Variants in DOCK1 observed in about 807,000 individuals in gnomAD.
DOCK1 encodes the protein dedicator of cytokinesis protein 1.
In DOCK1, 138 loss-of-function variants were observed where a neutral mutation model predicts 262.7. That is an observed-to-expected ratio of 0.53 (90% CI 0.46 to 0.61). The LOEUF (loss-of-function observed/expected upper bound fraction) is 0.61. DOCK1 is among the 20% of genes least tolerant of loss of function. The pLI, the probability that DOCK1 is intolerant of heterozygous loss-of-function variation, is 0.00. For missense variants in DOCK1, 1,908 were observed against 2,370.7 expected (o/e 0.80, Z 4.05); for synonymous variants, 866 against 867.4 (o/e 1.00, Z 0.03).
At chr10:127,382,835 A>G (rs2065896749) in intron 37 of DOCK1, among the ~76,000 whole-genome samples, 1 of 152,216 alleles carries the variant, frequency 6.6e-6, no homozygotes, top group South Asian at 2.1e-4. Context: ...CATTTGTTTA[A>G]TCATTGGATT....
intron 29 of DOCK1, among the ~76,000 whole-genome samples, chr10:127,264,652 T>A (rs1466653324): frequency 4.6e-5 from 7 of 152,036 alleles, no homozygotes; most frequent in Non-Finnish European, 8.8e-5. Context: ...AAGCTGGCAG[T>A]TTACAATGTA....
chr10:127,433,467 G>C, intron 48 of DOCK1, 39 bp downstream of exon 48: 1 of 1,596,990 alleles, frequency 6.3e-7, no homozygotes, highest in South Asian at 1.1e-5. Context: ...TGAGCAGTGA[G>C]GGCTTGGGGG....
intron 29 of DOCK1, among the ~76,000 whole-genome samples, chr10:127,308,535 T>C (rs756984788): frequency 1.3e-5 from 2 of 152,112 alleles, no homozygotes; most frequent in Non-Finnish European, 2.9e-5. Context: ...ATCATCTAGG[T>C]TTTAAGCCCC....
At chr10:127,317,408 C>T (rs1399455861) in intron 29 of DOCK1, among the ~76,000 whole-genome samples, 1 of 152,126 alleles carries the variant, frequency 6.6e-6, no homozygotes, top group Non-Finnish European at 1.5e-5. Flanking sequence ...TTTCTGTGTT[C>T]GTTTGTTTGC....
At chr10:127,346,775 C>T (rs1004421622) in intron 31 of DOCK1, among the ~76,000 whole-genome samples, 3 of 152,226 alleles carry the variant, frequency 2.0e-5, no homozygotes, top group Non-Finnish European at 4.4e-5. Flanking sequence ...CTAGGGCTTT[C>T]GTATTCTCTT....
At chr10:127,251,629 G>A (rs1051145932) in intron 28 of DOCK1, among the ~76,000 whole-genome samples, 7 of 147,866 alleles carry the variant, frequency 4.7e-5, no homozygotes, top group African/African-American at 1.7e-4. Context: ...AGAACATGCG[G>A]TGTTTGGTTT....
intron 21 of DOCK1, 104 bp from the exon 22 acceptor site, chr10:127,052,577 T>C (rs9418817): frequency 0.68 from 1,030,430 of 1,523,334 alleles, 351,121 homozygotes; most frequent in South Asian, 0.72. Flanking sequence ...TACTGATAGA[T>C]GGAAACCAAA....
At chr10:126,912,367 T>C (rs1219764700) in intron 1 of DOCK1, among the ~76,000 whole-genome samples, 1 of 149,094 alleles carries the variant, frequency 6.7e-6, no homozygotes, top group African/African-American at 2.5e-5. Context: ...GAGGCGGAGG[T>C]TGCAGTGAGC....
chr10:127,269,642 G>A (rs4581360), intron 29 of DOCK1, among the ~76,000 whole-genome samples: 59,234 of 152,066 alleles, frequency 0.39, 11,768 homozygotes, highest in Admixed American at 0.45. Flanking sequence ...TGGTGGTCCT[G>A]TCTGCCCTGG....
intron 27 of DOCK1, among the ~76,000 whole-genome samples, chr10:127,228,905 A>T (rs2058737712): frequency 6.6e-6 from 1 of 152,188 alleles, no homozygotes; most frequent in Non-Finnish European, 1.5e-5. Context: ...TCTCTCACAT[A>T]CTTATTTTTC....
chr10:127,013,933 G>A (rs969158709), intron 12 of DOCK1, among the ~76,000 whole-genome samples: 2 of 152,238 alleles, frequency 1.3e-5, no homozygotes, highest in Non-Finnish European at 1.5e-5. Context: ...GCTGCCCACC[G>A]GCGCTCATTT....
At chr10:127,195,033 A>G (rs1179614813) in intron 27 of DOCK1, among the ~76,000 whole-genome samples, 3 of 152,064 alleles carry the variant, frequency 2.0e-5, no homozygotes, top group East Asian at 3.9e-4. Context: ...TTTCTCTCCT[A>G]TTTACTCCAG....
chr10:127,137,771 G>A (rs755328138), intron 27 of DOCK1: 135 of 1,448,372 alleles, frequency 9.3e-5, no homozygotes, highest in Non-Finnish European at 1.2e-4. Context: ...ATTCATTTTG[G>A]AAAAGTATTG....
In DOCK1 at chr10:127,419,605, G is replaced by T. The variant is rs2068374426; in HGVS notation, c.4693-61G>T. ...ATTCTCAGGGCCTGGCACACAGTAA[G>T]TGTGCAAAAACCTGTGTTTGCTGAG... On this transcript the variant is annotated intron_variant, in intron 45 of 51. Coordinates refer to ENST00000623213, the MANE Select transcript of DOCK1 (RefSeq NM_001290223.2). 3 of 1,473,236 alleles carry T rather than the reference G, an allele frequency of 2.0e-6. No homozygotes were observed. The African/African-American group carries it at 4.2e-5, about 21-fold the overall frequency. The allele number at this position is 1,473,236 out of a possible 1,614,324, so 91.3% of individuals were successfully genotyped here.
intron 1 of DOCK1, among the ~76,000 whole-genome samples, chr10:126,931,764 G>A (rs1421147228): frequency 6.6e-6 from 1 of 152,114 alleles, no homozygotes; most frequent in Non-Finnish European, 1.5e-5. Context: ...AGGAACCAAT[G>A]TGTCTTCATC....
chr10:127,381,990 GA>G (rs2065854588), intron 37 of DOCK1, among the ~76,000 whole-genome samples: 2 of 152,094 alleles, frequency 1.3e-5, no homozygotes, highest in African/African-American at 2.4e-5. Flanking sequence ...TGGATGGATG[GA>G]TGGATGGACA....
At chr10:126,997,966 G>A in intron 7 of DOCK1, 126 bp from the exon 8 acceptor site, 2 of 1,235,414 alleles carry the variant, frequency 1.6e-6, no homozygotes, top group Non-Finnish European at 2.3e-6. Flanking sequence ...GAAAGTGACT[G>A]CACCAAGGCC....
At chr10:126,952,038 T>A (rs2036295494) in intron 1 of DOCK1, among the ~76,000 whole-genome samples, 1 of 151,830 alleles carries the variant, frequency 6.6e-6, no homozygotes, top group African/African-American at 2.4e-5. Context: ...TTAGTAGAGA[T>A]GGGATTTCAC....
At chr10:127,101,431 G>A (rs984879524) in intron 23 of DOCK1, among the ~76,000 whole-genome samples, 2 of 152,178 alleles carry the variant, frequency 1.3e-5, no homozygotes, top group Non-Finnish European at 2.9e-5. Context: ...AGCAGATGCG[G>A]GTTCCTCCCA....
Sources: gnomAD v4.1 joint callset for allele counts (sites outside exome capture counted in the v4.1 genomes callset) on GRCh38, gnomAD v4.1.1 for gene constraint, MANE v1.5 for transcripts, NCBI Gene and HGNC (gene_info 2026-07-23, HGNC 2026-07-21) for gene names.